Variants in AGBL4 observed in about 807,000 individuals in gnomAD.
AGBL4 encodes cytosolic carboxypeptidase 6.
Under a neutral mutation model 66.4 loss-of-function variants are expected in AGBL4, and 58 were observed. The observed-to-expected ratio is 0.87, with a 90% CI of 0.71 to 1.09. The LOEUF is 1.09. Among genes scored for constraint, AGBL4 ranks in the 50% least tolerant of loss-of-function variants. AGBL4 has a pLI of 0.00. For missense variants in AGBL4, 579 were observed against 631.0 expected (o/e 0.92, Z 0.88); for synonymous variants, 234 against 222.9 (o/e 1.05, Z -0.44).
chr1:48,527,993 G>T (rs1360880574), downstream of AGBL4, among the ~76,000 whole-genome samples: 1 of 152,134 alleles, frequency 6.6e-6, no homozygotes, highest in African/African-American at 2.4e-5. Flanking sequence ...GGCCATTCCA[G>T]CAATCCAGGT....
rs118161855 is a variant in AGBL4, at chr1:49,550,311, T to A, written c.282+147002A>T. On this transcript the variant is annotated intron_variant, in intron 3 of 13. Transcript: ENST00000371839. ...TATTGAGATATGAGGTACCGTTACA[T>A]TCATAGTGCTATTTGTTGCCTGTGT... is the stretch of plus-strand genomic sequence containing the variant. Among the ~76,000 whole-genome samples, 251 of 152,322 alleles carry A rather than the reference T, an allele frequency of 1.6e-3. 1 individual carries two copies. The East Asian group carries it at 0.021, about 13-fold the overall frequency.
chr1:48,669,906 A>T (rs181403645), intron 6 of AGBL4, among the ~76,000 whole-genome samples: 26 of 152,024 alleles, frequency 1.7e-4, no homozygotes, highest in Admixed American at 7.2e-4. Context: ...CATCCTCCAC[A>T]CCCCCATTCC....
rs925579641 is a variant in AGBL4, at chr1:48,928,288, A to G, written c.595-61058T>C. ...TTAGGATTAGTACATCCGCACTTACAGGGGTTTGAACTCAATTAAAAATTT... is the reference window on the plus strand; with the variant it reads ...TTAGGATTAGTACATCCGCACTTACGGGGGTTTGAACTCAATTAAAAATTT... On this transcript the variant is annotated intron_variant, in intron 5 of 13. Coordinates refer to ENST00000371839, the MANE Select transcript of AGBL4 (RefSeq NM_032785.4). Among the ~76,000 whole-genome samples, 3 of 152,182 alleles carry G rather than the reference A, an allele frequency of 2.0e-5. 1 individual carries two copies. The South Asian group carries it at 6.2e-4, about 32-fold the overall frequency.
intron 1 of AGBL4, among the ~76,000 whole-genome samples, chr1:49,937,611 G>A (rs1205658818): frequency 6.6e-6 from 1 of 152,118 alleles, no homozygotes; most frequent in Admixed American, 6.5e-5. Context: ...CTCAGCAAAT[G>A]TAAAAGAACA....
chr1:48,992,943 G>A (rs1322227719), intron 5 of AGBL4, among the ~76,000 whole-genome samples: 1 of 152,054 alleles, frequency 6.6e-6, no homozygotes, highest in Non-Finnish European at 1.5e-5. Flanking sequence ...CCTGGAATTC[G>A]GGACTACAAG....
chr1:49,004,700 C>A (rs756331509), intron 5 of AGBL4, among the ~76,000 whole-genome samples: 5 of 152,174 alleles, frequency 3.3e-5, no homozygotes, highest in Admixed American at 1.3e-4. Context: ...CAGAGGAAGG[C>A]AGGCCTGAAT....
intron 5 of AGBL4, among the ~76,000 whole-genome samples, chr1:48,941,538 A>T (rs1200307049): frequency 1.3e-5 from 2 of 152,222 alleles, no homozygotes; most frequent in Non-Finnish European, 2.9e-5. Flanking sequence ...AGTGGCCAGT[A>T]GTAACCACAA....
At chr1:49,197,174 A>G (rs1416597550) in intron 4 of AGBL4, among the ~76,000 whole-genome samples, 1 of 152,108 alleles carries the variant, frequency 6.6e-6, no homozygotes, top group African/African-American at 2.4e-5. Context: ...TGTGTTGTAC[A>G]TTCAGTGGCA....
chr1:49,334,643 C>G (rs1645398480), intron 3 of AGBL4, among the ~76,000 whole-genome samples: 2 of 152,252 alleles, frequency 1.3e-5, no homozygotes, highest in Admixed American at 6.5e-5. Flanking sequence ...TAGGCTGAAT[C>G]TGAAGCCCAT....
chr1:49,512,225 G>A (rs1423216058), intron 3 of AGBL4, among the ~76,000 whole-genome samples: 1 of 151,994 alleles, frequency 6.6e-6, no homozygotes, highest in African/African-American at 2.4e-5. Context: ...GGTTGGTATA[G>A]TGGAAAGAGC....
intron 3 of AGBL4, among the ~76,000 whole-genome samples, chr1:49,282,532 T>A (rs1218658093): frequency 6.6e-6 from 1 of 152,196 alleles, no homozygotes; most frequent in Non-Finnish European, 1.5e-5. Context: ...GATGGCCGAA[T>A]AGGAACAGCT....
chr1:48,547,836 G>T (rs1215527128), intron 11 of AGBL4, among the ~76,000 whole-genome samples: 4 of 152,094 alleles, frequency 2.6e-5, no homozygotes, highest in Non-Finnish European at 5.9e-5. Context: ...GGAATCAAGA[G>T]ACCAATGTGG....
At chr1:49,364,970 T>C (rs1644215725) in intron 3 of AGBL4, among the ~76,000 whole-genome samples, 1 of 152,178 alleles carries the variant, frequency 6.6e-6, no homozygotes, top group Admixed American at 6.5e-5. Context: ...GCATGTGAAA[T>C]GGTTAGCACC....
At chr1:49,173,547 G>C (rs1422560330) in intron 4 of AGBL4, among the ~76,000 whole-genome samples, 2 of 152,188 alleles carry the variant, frequency 1.3e-5, no homozygotes, top group Non-Finnish European at 2.9e-5. Flanking sequence ...GGAATACAGA[G>C]TGATCCATAC....
rs139992125 is a variant in AGBL4, at chr1:49,135,862, C to T, written c.378-90062G>A. On this transcript the variant is annotated intron_variant, in intron 4 of 13. Coordinates refer to ENST00000371839, the MANE Select transcript of AGBL4 (RefSeq NM_032785.4). ...TATGGCCAGTTTTGGTGCCAGTTTA[C>T]GGCCAGATTTTGGGAGGCCTGCTCC... 1.7e-4 allele frequency among the ~76,000 whole-genome samples: 26 copies of T among 152,188 alleles called. No homozygotes were observed. The East Asian group carries it at 2.7e-3, about 16-fold the overall frequency.
rs149937599 is a variant in AGBL4, at chr1:48,977,940, C to A, written c.594+67644G>T. 4.2e-4 allele frequency among the ~76,000 whole-genome samples: 64 copies of A among 152,172 alleles called. No individual in the cohort carries two copies. The Middle Eastern group carries it at 0.01, about 24-fold the overall frequency. On this transcript the variant is annotated intron_variant, in intron 5 of 13. Coordinates refer to ENST00000371839, the MANE Select transcript of AGBL4 (RefSeq NM_032785.4). ...ATATAAAGTTCAGCATTGGTAGTTA[C>A]CTTTACAAGTTGGCCTTTAGATTAC...
At chr1:49,467,746 A>G (rs565305116) in intron 3 of AGBL4, among the ~76,000 whole-genome samples, 1 of 152,012 alleles carries the variant, frequency 6.6e-6, no homozygotes, top group East Asian at 1.9e-4. Flanking sequence ...GTCTTGTTCA[A>G]TTCTAATATT....
At chr1:50,003,081 T>G (rs1660882587) in intron 1 of AGBL4, among the ~76,000 whole-genome samples, 1 of 152,196 alleles carries the variant, frequency 6.6e-6, no homozygotes, top group Non-Finnish European at 1.5e-5. Context: ...TATTAACTCA[T>G]GTCTGATATA....
intron 3 of AGBL4, among the ~76,000 whole-genome samples, chr1:49,270,910 T>C (rs1377476879): frequency 6.6e-6 from 1 of 152,174 alleles, no homozygotes; most frequent in Non-Finnish European, 1.5e-5. Flanking sequence ...CCATGATTAG[T>C]CTTAAAATTC....
Sources: allele counts gnomAD v4.1 joint callset (sites outside exome capture counted in the v4.1 genomes callset), GRCh38; gene constraint gnomAD v4.1.1; transcripts MANE v1.5; gene names NCBI Gene and HGNC (gene_info 2026-07-23, HGNC 2026-07-21).